Variants in ADGRL3 observed in about 807,000 individuals in gnomAD.
ADGRL3 encodes the protein adhesion G protein-coupled receptor L3.
A neutral mutation model predicts 153.5 loss-of-function variants in ADGRL3; 62 were observed. The observed-to-expected ratio is 0.40, with a 90% CI of 0.33 to 0.50. The LOEUF (loss-of-function observed/expected upper bound fraction) is 0.50. Among genes scored for constraint, ADGRL3 ranks in the 20% least tolerant of loss-of-function variants. The pLI, the probability that ADGRL3 is intolerant of heterozygous loss-of-function variation, is 0.47. For synonymous variants in ADGRL3, 710 were observed against 672.5 expected (o/e 1.06, Z -0.86); for missense variants, 1,641 against 1,859.4 (o/e 0.88, Z 2.16).
chr4:61,760,885 G>A (rs772941784), intron 8 of ADGRL3, among the ~76,000 whole-genome samples: 2 of 152,176 alleles, frequency 1.3e-5, no homozygotes, highest in African/African-American at 4.8e-5. Context: ...GGAGACCAGA[G>A]TTTTATTATT....
At chr4:61,379,544 T>C (rs547166348) in intron 1 of ADGRL3, among the ~76,000 whole-genome samples, 1 of 152,172 alleles carries the variant, frequency 6.6e-6, no homozygotes, top group East Asian at 1.9e-4. Context: ...AAAATATCAC[T>C]GTCATCTTAG....
At chr4:61,955,560 T>C (rs1200545829) in intron 17 of ADGRL3, among the ~76,000 whole-genome samples, 1 of 152,088 alleles carries the variant, frequency 6.6e-6, no homozygotes, top group East Asian at 1.9e-4. Flanking sequence ...GAAACACCTC[T>C]CAATTATTAT....
chr4:61,683,919 C>T (rs1176197620), intron 6 of ADGRL3, among the ~76,000 whole-genome samples: 13 of 152,230 alleles, frequency 8.5e-5, no homozygotes, highest in Admixed American at 2.0e-4. Flanking sequence ...AGTAAGCCAC[C>T]GTGCCCTGCT....
intron 4 of ADGRL3, among the ~76,000 whole-genome samples, chr4:61,532,769 C>T (rs1264496666): frequency 6.7e-6 from 1 of 149,652 alleles, no homozygotes; most frequent in Non-Finnish European, 1.5e-5. Context: ...AAAAAAAGGT[C>T]TCAGCACACA....
intron 2 of ADGRL3, among the ~76,000 whole-genome samples, chr4:61,478,965 C>A (rs2098100260): frequency 6.6e-6 from 1 of 151,950 alleles, no homozygotes; most frequent in Non-Finnish European, 1.5e-5. Context: ...TAATGTGGGT[C>A]ATATAGAAAA....
At chr4:61,773,441 C>T (rs187634263) in intron 8 of ADGRL3, among the ~76,000 whole-genome samples, 2 of 152,182 alleles carry the variant, frequency 1.3e-5, no homozygotes, top group African/African-American at 4.8e-5. Context: ...CCTAAAGCAC[C>T]AGCAACCTTT....
Position 61,979,719 on chromosome 4 carries a change from C to G in ADGRL3, c.2962C>G (p.Leu988Val), listed in dbSNP as rs766143386. The G allele has an allele frequency of 6.2e-7, 1 of 1,614,040 alleles. No individual in the cohort carries two copies. The highest frequency in any genetic ancestry group is 8.5e-7 in the Non-Finnish European group (1 of 1,179,932). The part of the protein sequence containing the change: ...NTIHKNLCIS[L>V]FVAELLFLIG... ...CATCCACAAGAACCTCTGCATCAGT[C>G]TCTTTGTAGCAGAGCTGCTCTTCCT... Residue 988 changes from leucine (L) to valine (V), a missense_variant, in exon 18 of 27, where the codon CTC becomes GTC. By Grantham distance (32) the Leu-to-Val change is conservative. Coordinates refer to ENST00000683033, the MANE Select transcript of ADGRL3 (RefSeq NM_001387552.1).
At chr4:61,984,980 T>A (rs1476969746) in intron 19 of ADGRL3, among the ~76,000 whole-genome samples, 1 of 152,064 alleles carries the variant, frequency 6.6e-6, no homozygotes, top group East Asian at 1.9e-4. Flanking sequence ...ATCAAATTAA[T>A]AGGAGGAGAT....
chr4:61,760,150 C>T (rs905512506), intron 8 of ADGRL3, among the ~76,000 whole-genome samples: 1 of 152,118 alleles, frequency 6.6e-6, no homozygotes, highest in Non-Finnish European at 1.5e-5. Context: ...AGATCTCCAG[C>T]TGCATGCTGG....
chr4:62,032,409 A>C (rs1439679036), intron 23 of ADGRL3, among the ~76,000 whole-genome samples: 2 of 151,472 alleles, frequency 1.3e-5, no homozygotes. Flanking sequence ...TCCAGTCACA[A>C]CGACCCCTCA....
intron 4 of ADGRL3, among the ~76,000 whole-genome samples, chr4:61,583,462 GAAGT>G (rs1340945128): frequency 1.3e-5 from 2 of 152,120 alleles, no homozygotes; most frequent in East Asian, 3.9e-4. Flanking sequence ...TTTCAGAAAA[GAAGT>G]AAAGAATAGG....
rs556382690 is a variant in ADGRL3, at chr4:61,517,444, G to T, written c.185G>T (p.Arg62Leu). The T allele has an allele frequency of 2.9e-5, 23 of 800,736 alleles. No individual in the cohort carries two copies. The highest frequency in any genetic ancestry group is 4.8e-5 in the Non-Finnish European group (23 of 474,426). The allele number at this position is 800,736 out of a possible 1,614,324, so 49.6% of individuals were successfully genotyped here. The change falls in exon 4 of 27, where the codon CGT becomes CTT. Residue 62 changes from arginine (R) to leucine (L), a missense_variant. Transcript: ENST00000683033. ...GCTGCAGAGCGCACCGCTGCTCATC[G>T]TGGACAAGGGCCCCGTGGAGCTACC... is the stretch of plus-strand genomic sequence containing the variant. Reference protein sequence around the residue: ...QPAAERTAAHRGQGPRGATRG... With the variant: ...QPAAERTAAHLGQGPRGATRG...
intron 2 of ADGRL3, among the ~76,000 whole-genome samples, chr4:61,467,297 GATA>G (rs1181844704): frequency 6.6e-6 from 1 of 152,100 alleles, no homozygotes; most frequent in Non-Finnish European, 1.5e-5. Context: ...TAAAGCACGT[GATA>G]ATATTACCGT....
intron 8 of ADGRL3, among the ~76,000 whole-genome samples, chr4:61,800,220 G>A (rs902404619): frequency 7.8e-6 from 1 of 129,010 alleles, no homozygotes; most frequent in African/African-American, 2.7e-5. Flanking sequence ...GAAAAATAAT[G>A]TATGTATATA....
intron 1 of ADGRL3, among the ~76,000 whole-genome samples, chr4:61,362,340 A>C (rs184875135): frequency 6.6e-6 from 1 of 150,846 alleles, no homozygotes; most frequent in Admixed American, 6.6e-5. Context: ...ATATATATAT[A>C]TATATACACA....
intron 4 of ADGRL3, among the ~76,000 whole-genome samples, chr4:61,529,100 A>T (rs546606393): frequency 6.6e-6 from 1 of 152,254 alleles, no homozygotes; most frequent in South Asian, 2.1e-4. Flanking sequence ...ATGAATATTC[A>T]AAATTTATGG....
At chr4:61,213,572 T>A (rs2148892042) in intron 1 of ADGRL3, among the ~76,000 whole-genome samples, 1 of 152,280 alleles carries the variant, frequency 6.6e-6, no homozygotes, top group South Asian at 2.1e-4. Flanking sequence ...TACCACTGTG[T>A]TCACAGAGAT....
At chr4:61,914,431 C>T (rs2098736161) in intron 13 of ADGRL3, among the ~76,000 whole-genome samples, 1 of 151,762 alleles carries the variant, frequency 6.6e-6, no homozygotes, top group African/African-American at 2.4e-5. Flanking sequence ...TGGGAATGAC[C>T]CCAAGAAACA....
At chr4:61,561,565 T>G (rs1011464846) in intron 4 of ADGRL3, among the ~76,000 whole-genome samples, 2 of 151,872 alleles carry the variant, frequency 1.3e-5, no homozygotes, top group Non-Finnish European at 1.5e-5. Flanking sequence ...TTGACTGACT[T>G]TAGGTGAAAT....
Sources: gnomAD v4.1 joint callset for allele counts (sites outside exome capture counted in the v4.1 genomes callset) on GRCh38, gnomAD v4.1.1 for gene constraint, MANE v1.5 for transcripts, NCBI Gene and HGNC (gene_info 2026-07-23, HGNC 2026-07-21) for gene names.